Variants in EYS observed in about 807,000 individuals in gnomAD.
EYS encodes the protein EGF-like photoreceptor maintenance factor, also known as protein eyes shut homolog.
EYS carries 250 observed loss-of-function variants against 282.1 expected under a neutral mutation model. That is an observed-to-expected ratio of 0.89 (90% CI 0.80 to 0.98). The LOEUF (loss-of-function observed/expected upper bound fraction) is 0.98, where lower values mean the gene tolerates loss of function less well. Ranked by LOEUF, EYS falls within the 50% of genes least tolerant of loss-of-function variation. The pLI, the probability that EYS is intolerant of heterozygous loss-of-function variation, is 0.00. For synonymous variants in EYS, 1,355 were observed against 1,282.9 expected, an observed-to-expected ratio of 1.06 and a Z score of -1.20; for missense variants, 4,016 against 3,709.0, an observed-to-expected ratio of 1.08 and a Z score of -2.15.
intron 1 of EYS, among the ~76,000 whole-genome samples, chr6:65,695,434 T>C (rs1161117778): frequency 6.6e-6 from 1 of 152,122 alleles, no homozygotes; most frequent in Non-Finnish European, 1.5e-5. Flanking sequence ...GAAATTCTAC[T>C]GCATTTATTG....
At chr6:63,960,470 A>G (rs185669375) in intron 35 of EYS, among the ~76,000 whole-genome samples, 139 of 152,376 alleles carry the variant, frequency 9.1e-4, no homozygotes, top group Non-Finnish European at 1.7e-3. Flanking sequence ...TTTAGAGTAT[A>G]CATAAACCTG....
At chr6:65,489,112 C>A (rs935310016) in intron 5 of EYS, among the ~76,000 whole-genome samples, 1 of 152,058 alleles carries the variant, frequency 6.6e-6, no homozygotes, top group Non-Finnish European at 1.5e-5. Context: ...GCAACAAAAG[C>A]CAAAATTGAC....
chr6:63,888,124 A>G (rs866382451), intron 35 of EYS, among the ~76,000 whole-genome samples: 3 of 152,222 alleles, frequency 2.0e-5, no homozygotes, highest in African/African-American at 4.8e-5. Context: ...TCTGAAAGAA[A>G]GGCAGCAGCC....
At chr6:65,229,482 A>G (rs1041168517) in intron 12 of EYS, among the ~76,000 whole-genome samples, 2 of 151,832 alleles carry the variant, frequency 1.3e-5, no homozygotes, top group Admixed American at 6.6e-5. Flanking sequence ...AGTCAATTGT[A>G]TAGAAAATAA....
chr6:63,822,006 C>A (rs1231574765), intron 36 of EYS: 1 of 152,184 alleles, frequency 6.6e-6, no homozygotes, highest in Non-Finnish European at 1.5e-5. Flanking sequence ...TGATGAAGGG[C>A]CATGTGCTGT....
chr6:65,470,693 G>C (rs2127238921), intron 5 of EYS, among the ~76,000 whole-genome samples: 1 of 152,206 alleles, frequency 6.6e-6, no homozygotes, highest in African/African-American at 2.4e-5. Context: ...AAAGACTGAT[G>C]ATTATATGTT....
chr6:64,593,652 C>A (rs1418782522), intron 24 of EYS, among the ~76,000 whole-genome samples: 1 of 152,100 alleles, frequency 6.6e-6, no homozygotes, highest in Non-Finnish European at 1.5e-5. Context: ...AGTCACATTA[C>A]AAATTATAAA....
intron 5 of EYS, among the ~76,000 whole-genome samples, chr6:65,482,503 A>C (rs1009516636): frequency 6.6e-6 from 1 of 152,200 alleles, no homozygotes; most frequent in Non-Finnish European, 1.5e-5. Context: ...TTAAAGTTCA[A>C]TTATTAAAAA....
At chr6:65,454,147 G>C (rs1764518425) in intron 5 of EYS, among the ~76,000 whole-genome samples, 1 of 151,202 alleles carries the variant, frequency 6.6e-6, no homozygotes, top group Admixed American at 6.6e-5. Context: ...GTGTGTAAGT[G>C]TTCCCTTTTC....
intron 26 of EYS, among the ~76,000 whole-genome samples, chr6:64,549,462 G>A: frequency 6.6e-6 from 1 of 152,102 alleles, no homozygotes; most frequent in East Asian, 1.9e-4. Context: ...ACCTCCACAG[G>A]AGGAAGATTA....
chr6:63,837,643 G>T (rs1344271436), intron 36 of EYS, among the ~76,000 whole-genome samples: 1 of 152,074 alleles, frequency 6.6e-6, no homozygotes, highest in African/African-American at 2.4e-5. Context: ...AATCATAAGT[G>T]TACATTCTAA....
chr6:65,251,732 G>A lies in EYS; in HGVS notation c.2023+44131C>T, dbSNP rs548097565. On this transcript the variant is annotated intron_variant, in intron 12 of 42. Coordinates refer to ENST00000503581, the MANE Select transcript of EYS (RefSeq NM_001142800.2). The stretch of plus-strand genomic sequence containing the variant: ...CCCCTCAAATATCCATAGTCTGAAC[G>A]CAACGCTTCAGAACTGGCCACAGAT... 2.6e-5 allele frequency among the ~76,000 whole-genome samples: 4 copies of A among 152,032 alleles called. No homozygotes were observed. In the South Asian group the frequency reaches 6.2e-4, roughly 24 times the overall value.
intron 12 of EYS, among the ~76,000 whole-genome samples, chr6:65,242,103 G>A (rs1480632293): frequency 1.3e-5 from 2 of 151,936 alleles, no homozygotes; most frequent in African/African-American, 4.8e-5. Flanking sequence ...AGCTTTATGT[G>A]TAAAATTTCT....
At chr6:65,695,921 T>C (rs980544518) in intron 1 of EYS, among the ~76,000 whole-genome samples, 12 of 151,956 alleles carry the variant, frequency 7.9e-5, no homozygotes, top group Non-Finnish European at 4.4e-5. Context: ...AATGACAAGT[T>C]AACTGCAACT....
intron 35 of EYS, among the ~76,000 whole-genome samples, chr6:63,865,936 C>T (rs1772660777): frequency 6.6e-6 from 1 of 152,080 alleles, no homozygotes; most frequent in South Asian, 2.1e-4. Context: ...TCAGATTTTG[C>T]CAACTCATAA....
chr6:65,023,011 A>G (rs9453154), intron 13 of EYS, among the ~76,000 whole-genome samples: 198 of 152,252 alleles, frequency 1.3e-3, no homozygotes, highest in African/African-American at 4.6e-3. Context: ...AAAGTTGATC[A>G]GTAGGAAGAG....
chr6:64,187,558 A>C (rs1440616491), intron 31 of EYS, among the ~76,000 whole-genome samples: 2 of 152,108 alleles, frequency 1.3e-5, no homozygotes, highest in Non-Finnish European at 2.9e-5. Context: ...CAGTTTTAGC[A>C]GAGGTTTATA....
rs370452674 is a variant in EYS, at chr6:63,967,485, T to C, written c.7055+16898A>G. Among the ~76,000 whole-genome samples the C allele has an allele frequency of 5.9e-5, 9 of 152,272 alleles. No individual in the cohort carries two copies. The East Asian group carries it at 1.5e-3, about 26-fold the overall frequency. Reference sequence around the variant, plus strand: ...ATGTTTCTGGAGGAGAGAGAAACAGTGACTTGACATTGGCAATGCTACCCA... The same window carrying C: ...ATGTTTCTGGAGGAGAGAGAAACAGCGACTTGACATTGGCAATGCTACCCA... On this transcript the variant is annotated intron_variant, in intron 35 of 42. Coordinates refer to ENST00000503581, the MANE Select transcript of EYS (RefSeq NM_001142800.2).
At chr6:64,797,375 A>T (rs1263905791) in intron 22 of EYS, among the ~76,000 whole-genome samples, 1 of 152,058 alleles carries the variant, frequency 6.6e-6, no homozygotes, top group Non-Finnish European at 1.5e-5. Flanking sequence ...GTTAACAGAC[A>T]CTTTATGCCT....
Sources: allele counts gnomAD v4.1 joint callset (sites outside exome capture counted in the v4.1 genomes callset), GRCh38; gene constraint gnomAD v4.1.1; transcripts MANE v1.5; gene names NCBI Gene and HGNC (gene_info 2026-07-23, HGNC 2026-07-21).